The following CDK13 variants were observed in gnomAD, a reference collection of about 807,000 sequenced individuals.
The protein encoded by CDK13 is cyclin-dependent kinase 13.
In CDK13, 40 loss-of-function variants were observed where a neutral mutation model predicts 137.6. The observed-to-expected ratio is 0.29, with a 90% CI of 0.23 to 0.38. The LOEUF is 0.38. CDK13 is among the 10% of genes least tolerant of loss of function. The probability of loss-of-function intolerance (pLI) is 1.00; values close to 1 mark genes in which losing one functional copy is unlikely to be tolerated. For synonymous variants in CDK13, 869 were observed against 760.1 expected (o/e 1.14, Z -2.36); for missense variants, 1,704 against 1,951.8 (o/e 0.87, Z 2.39).
At position 40,097,049 on chromosome 7, in the gene CDK13, C is replaced by T. The variant is rs1053003246; in HGVS notation, c.*2069C>T. On this transcript the variant is annotated 3_prime_UTR_variant, in exon 14 of 14. Coordinates refer to ENST00000181839, the MANE Select transcript of CDK13 (RefSeq NM_003718.5). ...AGTCACACTTGATAATTCTGCTGAC[C>T]ATAAGCAGCTAACCTACAGTTGAAG... 1 of 152,018 alleles carries T rather than the reference C, an allele frequency of 6.6e-6. No individual in the cohort carries two copies. Among genetic ancestry groups the T allele is most frequent in the African/African-American group, 2.4e-5 (1 of 41,408 alleles). The allele number at this position is 152,018 out of a possible 1,614,324, so 9.4% of individuals were successfully genotyped here. A position where few individuals can be genotyped will look rare whatever the true frequency, so the allele number is the denominator to read the frequency against.
chr7:39,954,359 T>C (rs958440349), intron 1 of CDK13, among the ~76,000 whole-genome samples: 1 of 152,248 alleles, frequency 6.6e-6, no homozygotes, highest in Non-Finnish European at 1.5e-5. Flanking sequence ...AACTCACTTG[T>C]ACAGATTAAT....
chr7:39,966,381 T>C (rs903988649), intron 1 of CDK13, among the ~76,000 whole-genome samples: 12 of 152,352 alleles, frequency 7.9e-5, no homozygotes, highest in Non-Finnish European at 1.3e-4. Flanking sequence ...ACTGATACCC[T>C]TTCTTCCAGT....
chr7:39,997,390 CTGTTGAA>C, intron 2 of CDK13, 97 bp from the exon 3 acceptor site: 3 of 865,588 alleles, frequency 3.5e-6, no homozygotes, highest in Non-Finnish European at 5.6e-6. Flanking sequence ...ATGTGAAATA[CTGTTGAA>C]TATTCATGAC....
chr7:40,078,920 TA>T (rs1361065509), intron 11 of CDK13, 69 bp downstream of exon 11: 1 of 528,428 alleles, frequency 1.9e-6, no homozygotes, highest in Admixed American at 5.3e-5. Flanking sequence ...ACAGTTTTAA[TA>T]ACATATATAA....
intron 1 of CDK13, among the ~76,000 whole-genome samples, chr7:39,956,804 C>T (rs1293821386): frequency 1.3e-5 from 2 of 152,110 alleles, no homozygotes; most frequent in Non-Finnish European, 2.9e-5. Flanking sequence ...TCTGACTTGT[C>T]TTGAACTCCT....
At position 40,021,108 on chromosome 7, in the gene CDK13, T is replaced by TACACACACACACAC. The variant is rs1359649785; in HGVS notation, c.2353+19078_2353+19079insCACACACACACACA. Among the ~76,000 whole-genome samples, 28 of 72,504 alleles carry TACACACACACACAC rather than the reference T, an allele frequency of 3.9e-4. No individual in the cohort carries two copies. The East Asian group carries it at 6.5e-3, about 17-fold the overall frequency. 47.6% of individuals were successfully genotyped at this position (72,504 alleles called of 152,430 possible). A position where few individuals can be genotyped will look rare whatever the true frequency, so the allele number is the denominator to read the frequency against. ...CCATCTCAGAGCAAACAAACGTATA[T>TACACACACACACAC]ATATATATATATATACACACACACA... On this transcript the variant is annotated intron_variant, in intron 5 of 13. Coordinates refer to ENST00000181839, the MANE Select transcript of CDK13 (RefSeq NM_003718.5).
intron 7 of CDK13, among the ~76,000 whole-genome samples, chr7:40,058,109 A>G (rs2159489): frequency 0.23 from 35,448 of 151,922 alleles, 7,307 homozygotes; most frequent in African/African-American, 0.54. Context: ...AATTGGAGCT[A>G]AGACCAGAGT....
At chr7:40,010,368 G>A (rs1562726601) in intron 5 of CDK13, among the ~76,000 whole-genome samples, 1 of 152,288 alleles carries the variant, frequency 6.6e-6, no homozygotes, top group Middle Eastern at 3.4e-3. Context: ...GCAGTAATGC[G>A]AGCAGTGGGG....
At chr7:40,040,890 A>C (rs1377711422) in intron 5 of CDK13, among the ~76,000 whole-genome samples, 1 of 152,204 alleles carries the variant, frequency 6.6e-6, no homozygotes, top group African/African-American at 2.4e-5. Context: ...TGTTATCTGC[A>C]TTTAAAGATA....
In CDK13 at chr7:40,029,410, G is replaced by A. The variant is rs182194771; in HGVS notation, c.2354-16426G>A. The stretch of plus-strand genomic sequence containing the variant: ...CCACTGCACACCAGCCTAGGTGACA[G>A]CAAGACTGTGTGGAAAAAAAAAAAA... On this transcript the variant is annotated intron_variant, in intron 5 of 13. Transcript: ENST00000181839. Among the ~76,000 whole-genome samples the A allele has an allele frequency of 1.2e-3, 180 of 150,762 alleles. 1 individual carries two copies. In the Middle Eastern group the frequency reaches 0.021, roughly 18 times the overall value.
intron 7 of CDK13, chr7:40,059,073 G>A (rs1172905821): frequency 2.0e-5 from 3 of 152,242 alleles, no homozygotes; most frequent in Middle Eastern, 3.4e-3. Flanking sequence ...ACTTAGAATG[G>A]TCTTTAACAA....
intron 1 of CDK13, among the ~76,000 whole-genome samples, chr7:39,959,709 C>T (rs926201102): frequency 6.6e-6 from 1 of 152,102 alleles, no homozygotes; most frequent in Non-Finnish European, 1.5e-5. Flanking sequence ...AAGCAGTCTG[C>T]CTGCCTTGGC....
chr7:39,964,155 C>T (rs1439421211), intron 1 of CDK13, among the ~76,000 whole-genome samples: 1 of 152,110 alleles, frequency 6.6e-6, no homozygotes, highest in Non-Finnish European at 1.5e-5. Flanking sequence ...GGGAGGGTTC[C>T]CTCTTTTTCT....
intron 4 of CDK13, among the ~76,000 whole-genome samples, chr7:40,001,109 G>C (rs569293781): frequency 5.1e-4 from 77 of 151,686 alleles, no homozygotes; most frequent in Non-Finnish European, 1.0e-3. Flanking sequence ...TTTCTTCTCT[G>C]TTCAGAGAAA....
chr7:40,011,201 A>C (rs1200409674), intron 5 of CDK13, among the ~76,000 whole-genome samples: 2 of 152,208 alleles, frequency 1.3e-5, no homozygotes, highest in Admixed American at 1.3e-4. Context: ...AGAAGAACAA[A>C]GTTGGAACCC....
intron 1 of CDK13, among the ~76,000 whole-genome samples, chr7:39,975,723 CCTT>C (rs1282583999): frequency 6.6e-6 from 1 of 152,134 alleles, no homozygotes; most frequent in Non-Finnish European, 1.5e-5. Context: ...AGAAGCTTGA[CCTT>C]CTGCAAAAGC....
At chr7:40,062,975 G>A (rs376788855) in intron 8 of CDK13, 48 bp downstream of exon 8, 2 of 1,603,700 alleles carry the variant, frequency 1.2e-6, no homozygotes, top group African/African-American at 1.3e-5. Flanking sequence ...ACTTTTGGTA[G>A]TGAATTAAAA....
rs1376952045 is a variant in CDK13, at chr7:40,089,363, C to G, written c.3235+1032C>G. ...GCTCAGGCACGATAATTGCTTGAAC[C>G]CAGGAGGCAGATGTTGCAGTGAGCC... On this transcript the variant is annotated intron_variant, in intron 12 of 13. Coordinates refer to ENST00000181839, the MANE Select transcript of CDK13 (RefSeq NM_003718.5). Among the ~76,000 whole-genome samples, 6 of 150,908 alleles carry G rather than the reference C, an allele frequency of 4.0e-5. No homozygotes were observed. In the South Asian group the frequency reaches 1.3e-3, roughly 32 times the overall value.
chr7:39,995,856 A>G (rs1427179752), intron 2 of CDK13, among the ~76,000 whole-genome samples: 1 of 152,072 alleles, frequency 6.6e-6, no homozygotes, highest in Non-Finnish European at 1.5e-5. Flanking sequence ...AGAAATACAA[A>G]AAAATTAGCC....
Sources: gnomAD v4.1 joint callset for allele counts (sites outside exome capture counted in the v4.1 genomes callset) on GRCh38, gnomAD v4.1.1 for gene constraint, MANE v1.5 for transcripts, NCBI Gene and HGNC (gene_info 2026-07-23, HGNC 2026-07-21) for gene names.